NCK1: variants seen among roughly 807,000 people sequenced by gnomAD.
NCK1 encodes SH2/SH3 adapter protein NCK1.
NCK1 carries 19 observed loss-of-function variants against 36.6 expected under a neutral mutation model. The observed-to-expected ratio is 0.52, with a 90% CI of 0.36 to 0.76. NCK1 has a LOEUF of 0.76. NCK1 is among the 30% of genes least tolerant of loss of function. NCK1 has a pLI of 0.00. For synonymous variants in NCK1, 165 were observed against 156.0 expected (o/e 1.06, Z -0.43); for missense variants, 358 against 445.6 (o/e 0.80, Z 1.77).
At chr3:136,926,025 G>A (rs1940227792) in intron 1 of NCK1, among the ~76,000 whole-genome samples, 1 of 152,074 alleles carries the variant, frequency 6.6e-6, no homozygotes. Flanking sequence ...ATTCTGACAA[G>A]CGTATGTAGT....
At chr3:136,862,451 C>T (rs140227533) in intron 1 of NCK1, 98 bp downstream of exon 1, 2,587 of 152,654 alleles carry the variant, frequency 0.017, 42 homozygotes, top group Non-Finnish European at 0.027. Context: ...TTCCTCTTCT[C>T]GCGCTGAGTT....
At chr3:136,867,921 A>T (rs961619677) in intron 1 of NCK1, among the ~76,000 whole-genome samples, 8 of 148,938 alleles carry the variant, frequency 5.4e-5, no homozygotes, top group African/African-American at 7.4e-5. Context: ...TACATTGTAA[A>T]TTTTTTTTTT....
At chr3:136,889,780 G>A (rs979684856) in intron 1 of NCK1, among the ~76,000 whole-genome samples, 27 of 152,132 alleles carry the variant, frequency 1.8e-4, no homozygotes, top group Non-Finnish European at 8.8e-5. Context: ...AGTGTCGATT[G>A]GTGCATTCAC....
chr3:136,937,080 T>G (rs1940550300), intron 2 of NCK1, among the ~76,000 whole-genome samples: 2 of 152,232 alleles, frequency 1.3e-5, no homozygotes, highest in Admixed American at 6.5e-5. Context: ...CTATGTTTTC[T>G]TCTAAGAGTT....
chr3:136,912,359 C>T (rs1167839205), intron 1 of NCK1, among the ~76,000 whole-genome samples: 18 of 151,760 alleles, frequency 1.2e-4, no homozygotes, highest in Admixed American at 7.9e-4. Flanking sequence ...GATGGGGTTT[C>T]GCCACGTTTG....
chr3:136,935,653 G>A (rs1028226398), intron 2 of NCK1, among the ~76,000 whole-genome samples: 1 of 152,184 alleles, frequency 6.6e-6, no homozygotes, highest in Non-Finnish European at 1.5e-5. Context: ...AAGGGAAAGT[G>A]TTGGCAATAA....
chr3:136,880,025 C>G (rs1938885551), intron 1 of NCK1, among the ~76,000 whole-genome samples: 1 of 134,314 alleles, frequency 7.4e-6, no homozygotes, highest in South Asian at 2.4e-4. Flanking sequence ...TGGCTCACGC[C>G]TGTAATCCCA....
At chr3:136,873,854 G>A (rs1049153741) in intron 1 of NCK1, among the ~76,000 whole-genome samples, 1 of 152,188 alleles carries the variant, frequency 6.6e-6, no homozygotes, top group South Asian at 2.1e-4. Context: ...CGCCATGATT[G>A]TGAGGCCTCT....
chr3:136,888,875 GT>G (rs1278938489), intron 1 of NCK1, among the ~76,000 whole-genome samples: 2 of 151,052 alleles, frequency 1.3e-5, no homozygotes, highest in Admixed American at 6.6e-5. Context: ...TGTTTGTTTT[GT>G]TTTTTTCTTT....
chr3:136,931,151 A>G (rs888713637), intron 2 of NCK1, among the ~76,000 whole-genome samples: 56 of 152,174 alleles, frequency 3.7e-4, no homozygotes, highest in African/African-American at 1.3e-3. Flanking sequence ...GAGTTATGAG[A>G]ACAGCTATAC....
At chr3:136,885,000 T>C (rs1161385043) in intron 1 of NCK1, among the ~76,000 whole-genome samples, 1 of 152,140 alleles carries the variant, frequency 6.6e-6, no homozygotes, top group Admixed American at 6.6e-5. Flanking sequence ...AGATTATAGG[T>C]GTGAGCCACT....
chr3:136,887,305 C>T (rs1939100067), intron 1 of NCK1, among the ~76,000 whole-genome samples: 1 of 152,110 alleles, frequency 6.6e-6, no homozygotes, highest in Non-Finnish European at 1.5e-5. Flanking sequence ...GTAGCGGGGA[C>T]TACAGGAGTG....
At chr3:136,921,262 A>T (rs1940102252) in intron 1 of NCK1, among the ~76,000 whole-genome samples, 1 of 152,226 alleles carries the variant, frequency 6.6e-6, no homozygotes. Context: ...GAACAAAATC[A>T]CTTTCAGATA....
At chr3:136,875,371 C>T (rs1439571222) in intron 1 of NCK1, among the ~76,000 whole-genome samples, 2 of 152,102 alleles carry the variant, frequency 1.3e-5, no homozygotes, top group Non-Finnish European at 2.9e-5. Context: ...CCCTTTATTT[C>T]CTTCTCCTGC....
At chr3:136,915,458 T>C (rs116168197) in intron 1 of NCK1, among the ~76,000 whole-genome samples, 89 of 152,310 alleles carry the variant, frequency 5.8e-4, no homozygotes, top group African/African-American at 1.9e-3. Context: ...ATACCCAGGA[T>C]TTTTAAGTAA....
At chr3:136,910,701 T>TCTGA (rs34177184) in intron 1 of NCK1, among the ~76,000 whole-genome samples, 1 of 152,250 alleles carries the variant, frequency 6.6e-6, no homozygotes, top group Non-Finnish European at 1.5e-5. Context: ...AATGGGATGT[T>TCTGA]CTGACACATG....
intron 1 of NCK1, among the ~76,000 whole-genome samples, chr3:136,871,183 G>A (rs1938606249): frequency 6.6e-6 from 1 of 151,766 alleles, no homozygotes. Context: ...ATGCCTTGAG[G>A]GTAGGAGTTA....
At chr3:136,921,609 G>A (rs912555112) in intron 1 of NCK1, among the ~76,000 whole-genome samples, 4 of 152,146 alleles carry the variant, frequency 2.6e-5, no homozygotes, top group African/African-American at 4.8e-5. Context: ...TATAGATGTC[G>A]AAGATAAACT....
At chr3:136,935,864 A>C (rs1049561231) in intron 2 of NCK1, among the ~76,000 whole-genome samples, 4 of 152,066 alleles carry the variant, frequency 2.6e-5, no homozygotes, top group African/African-American at 9.7e-5. Context: ...GTCCCTGGCA[A>C]TTACTAATCT....
Sources: allele counts gnomAD v4.1 joint callset (sites outside exome capture counted in the v4.1 genomes callset), GRCh38; gene constraint gnomAD v4.1.1; transcripts MANE v1.5; gene names NCBI Gene and HGNC (gene_info 2026-07-23, HGNC 2026-07-21).